Variants in NKAIN2 observed in about 807,000 individuals in gnomAD.
NKAIN2 encodes sodium/potassium transporting ATPase interacting 2, also known as sodium/potassium-transporting ATPase subunit beta-1-interacting protein 2.
A neutral mutation model predicts 32.6 loss-of-function variants in NKAIN2; 14 were observed. The observed-to-expected ratio is 0.43, with a 90% CI of 0.28 to 0.67. NKAIN2 has a LOEUF of 0.67. Ranked by LOEUF, NKAIN2 falls within the 30% of genes least tolerant of loss-of-function variation. The pLI is 0.17. For missense variants in NKAIN2, 198 were observed against 258.3 expected (o/e 0.77, Z 1.60); for synonymous variants, 80 against 87.2 (o/e 0.92, Z 0.46).
At chr6:124,161,648 T>C (rs1001826452) in intron 1 of NKAIN2, among the ~76,000 whole-genome samples, 3 of 152,136 alleles carry the variant, frequency 2.0e-5, no homozygotes, top group Non-Finnish European at 2.9e-5. Context: ...TAAGACATTA[T>C]AAGGGTGCAG....
chr6:124,171,548 T>TTTC, intron 1 of NKAIN2, among the ~76,000 whole-genome samples: 1 of 1,012 alleles, frequency 9.9e-4, no homozygotes, highest in East Asian at 0.022. Context: ...GCCGATTTGA[T>TTTC]TTTTTTTTTT....
intron 3 of NKAIN2, among the ~76,000 whole-genome samples, chr6:124,554,644 C>T (rs921899247): frequency 4.6e-5 from 7 of 152,188 alleles, no homozygotes; most frequent in African/African-American, 1.4e-4. Flanking sequence ...CCTTATGAGT[C>T]TCATCACAAT....
At chr6:124,675,911 A>C (rs1400879445) in intron 4 of NKAIN2, among the ~76,000 whole-genome samples, 1 of 151,430 alleles carries the variant, frequency 6.6e-6, no homozygotes, top group Non-Finnish European at 1.5e-5. Flanking sequence ...TTTGAGTTGT[A>C]AAGTTACATT....
At chr6:123,841,525 G>C (rs1474883486) in intron 1 of NKAIN2, among the ~76,000 whole-genome samples, 1 of 152,154 alleles carries the variant, frequency 6.6e-6, no homozygotes, top group Non-Finnish European at 1.5e-5. Flanking sequence ...CAGTTGTGAT[G>C]GTAATTTACA....
chr6:124,287,185 A>G (rs759131906), intron 2 of NKAIN2, among the ~76,000 whole-genome samples: 1 of 152,204 alleles, frequency 6.6e-6, no homozygotes, highest in Non-Finnish European at 1.5e-5. Context: ...TATGAAATTC[A>G]AATACCATTT....
intron 4 of NKAIN2, among the ~76,000 whole-genome samples, chr6:124,741,967 C>T (rs776784424): frequency 2.8e-4 from 42 of 151,774 alleles, no homozygotes; most frequent in Non-Finnish European, 2.1e-4. Context: ...TATTTAACAA[C>T]GAAACAATGA....
In NKAIN2 at chr6:124,307,680, C is replaced by A. The variant is rs575479461; in HGVS notation, c.192+24538C>A. 9.9e-5 allele frequency among the ~76,000 whole-genome samples: 15 copies of A among 152,186 alleles called. No homozygotes were observed. The South Asian group carries it at 3.1e-3, about 32-fold the overall frequency. ...ATTACATGATCCATAGGAAAATATT[C>A]TCTTAAAGCAATGTAAATTACTATA... On this transcript the variant is annotated intron_variant, in intron 2 of 6. Coordinates refer to ENST00000368417, the MANE Select transcript of NKAIN2 (RefSeq NM_001040214.3).
intron 1 of NKAIN2, among the ~76,000 whole-genome samples, chr6:123,829,772 C>A (rs536256819): frequency 6.6e-6 from 1 of 152,292 alleles, no homozygotes; most frequent in South Asian, 2.1e-4. Context: ...AACTAGTCAT[C>A]TGTGACACAT....
At position 124,137,865 on chromosome 6, in the gene NKAIN2, C is replaced by G. The variant is rs575289615; in HGVS notation, c.55-145140C>G. On this transcript the variant is annotated intron_variant, in intron 1 of 6. Coordinates refer to ENST00000368417, the MANE Select transcript of NKAIN2 (RefSeq NM_001040214.3). ...TGCTCATCTTATACAAAAATCAACT[C>G]AAGATCGATCAGTGGCCTAAATCTA... Among the ~76,000 whole-genome samples the G allele has an allele frequency of 2.9e-4, 44 of 152,160 alleles. No homozygotes were observed. In the South Asian group the frequency reaches 8.3e-3, roughly 29 times the overall value.
At chr6:124,744,687 G>A (rs1198332817) in intron 4 of NKAIN2, among the ~76,000 whole-genome samples, 7 of 151,636 alleles carry the variant, frequency 4.6e-5, no homozygotes, top group African/African-American at 1.5e-4. Context: ...ATTTGGGGTC[G>A]TACATGGGCC....
At chr6:124,151,643 T>C (rs74987521) in intron 1 of NKAIN2, among the ~76,000 whole-genome samples, 3,299 of 152,126 alleles carry the variant, frequency 0.022, 128 homozygotes, top group Admixed American at 0.084. Context: ...GTGTGAGATT[T>C]CTGGTTGTCA....
intron 2 of NKAIN2, among the ~76,000 whole-genome samples, chr6:124,304,157 G>C (rs1796416860): frequency 6.6e-6 from 1 of 152,150 alleles, no homozygotes; most frequent in Non-Finnish European, 1.5e-5. Context: ...AGACACGGTA[G>C]ATTTGTTTAG....
At chr6:123,984,704 T>C (rs1779054138) in intron 1 of NKAIN2, among the ~76,000 whole-genome samples, 1 of 152,128 alleles carries the variant, frequency 6.6e-6, no homozygotes, top group South Asian at 2.1e-4. Flanking sequence ...ATCAACTCAA[T>C]AGATGAGTTA....
intron 1 of NKAIN2, among the ~76,000 whole-genome samples, chr6:124,239,399 T>A (rs1792953063): frequency 6.6e-6 from 1 of 152,144 alleles, no homozygotes; most frequent in African/African-American, 2.4e-5. Flanking sequence ...GCAGACCTAA[T>A]AGACATCTAT....
At chr6:123,926,184 G>T (rs997447990) in intron 1 of NKAIN2, among the ~76,000 whole-genome samples, 1 of 152,152 alleles carries the variant, frequency 6.6e-6, no homozygotes, top group Non-Finnish European at 1.5e-5. Flanking sequence ...GGAGGAGGGG[G>T]TCACAAACAG....
Position 124,180,094 on chromosome 6 carries a change from G to A in NKAIN2, c.55-102911G>A, listed in dbSNP as rs200437678. On this transcript the variant is annotated intron_variant, in intron 1 of 6. Coordinates refer to ENST00000368417, the MANE Select transcript of NKAIN2 (RefSeq NM_001040214.3). ...TACAGGTAGATAGGTAGGCATGTAA[G>A]CAAATAGATATCTACTGTGTGTGTG... is the stretch of plus-strand genomic sequence containing the variant. 5.9e-5 allele frequency among the ~76,000 whole-genome samples: 9 copies of A among 152,082 alleles called. No individual in the cohort carries two copies. The East Asian group carries it at 1.6e-3, about 26-fold the overall frequency.
At chr6:123,957,888 T>C (rs547632994) in intron 1 of NKAIN2, among the ~76,000 whole-genome samples, 3 of 152,354 alleles carry the variant, frequency 2.0e-5, no homozygotes, top group East Asian at 3.9e-4. Flanking sequence ...ACATGATACA[T>C]TTTACTGAAA....
At chr6:124,209,240 T>A (rs564047172) in intron 1 of NKAIN2, among the ~76,000 whole-genome samples, 2 of 151,934 alleles carry the variant, frequency 1.3e-5, no homozygotes, top group African/African-American at 4.8e-5. Flanking sequence ...TCTCTGCCTG[T>A]CTTATTTCAC....
intron 1 of NKAIN2, among the ~76,000 whole-genome samples, chr6:124,014,300 T>C (rs1780469610): frequency 2.0e-5 from 3 of 152,168 alleles, no homozygotes; most frequent in Admixed American, 2.0e-4. Context: ...TTGCATTTGG[T>C]TTTTGATTTT....
Sources: allele counts gnomAD v4.1 joint callset (sites outside exome capture counted in the v4.1 genomes callset), GRCh38; gene constraint gnomAD v4.1.1; transcripts MANE v1.5; gene names NCBI Gene and HGNC (gene_info 2026-07-23, HGNC 2026-07-21).